Variants in SNX18 observed in about 807,000 individuals in gnomAD.
The protein encoded by SNX18 is sorting nexin 18.
A neutral mutation model predicts 48.7 loss-of-function variants in SNX18; 35 were observed. That is an observed-to-expected ratio of 0.72 (90% CI 0.55 to 0.95). The LOEUF (loss-of-function observed/expected upper bound fraction) is 0.95, where lower values mean the gene tolerates loss of function less well. Among genes scored for constraint, SNX18 ranks in the 40% least tolerant of loss-of-function variants. The pLI, the probability that SNX18 is intolerant of heterozygous loss-of-function variation, is 0.00. For missense variants in SNX18, 824 were observed against 871.0 expected, an observed-to-expected ratio of 0.95 and a Z score of 0.68; for synonymous variants, 492 against 384.7, an observed-to-expected ratio of 1.28 and a Z score of -3.26.
chr5:54,595,991 C>T, the SNX18 span, among the ~76,000 whole-genome samples: 16 of 152,118 alleles, frequency 1.1e-4, no homozygotes, highest in African/African-American at 3.9e-4. Context: ...CTTGGGATCC[C>T]TCTGGCCCTT....
chr5:54,517,916 G>T lies in SNX18; in HGVS notation c.-37G>T. The stretch of plus-strand genomic sequence containing the variant: ...CCTCAGGTGGGCCTCGGCTCGGGAC[G>T]CCGGGAGTCGGGACCGCCAGTCGGG... On this transcript the variant is annotated 5_prime_UTR_variant, in exon 1 of 2. Transcript: ENST00000381410. 2 of 1,476,610 alleles carry T rather than the reference G, an allele frequency of 1.4e-6. No individual in the cohort carries two copies. The allele number at this position is 1,476,610 out of a possible 1,614,324, so 91.5% of individuals were successfully genotyped here. A position where few individuals can be genotyped will look rare whatever the true frequency, so the allele number is the denominator to read the frequency against.
intron 1 of SNX18, among the ~76,000 whole-genome samples, chr5:54,535,926 G>A (rs1336630536): frequency 6.6e-6 from 1 of 152,146 alleles, no homozygotes; most frequent in Non-Finnish European, 1.5e-5. Context: ...TAGACCTCAG[G>A]GTTATTAGTT....
At chr5:54,620,637 G>A in the SNX18 span, among the ~76,000 whole-genome samples, 1 of 152,218 alleles carries the variant, frequency 6.6e-6, no homozygotes, top group Non-Finnish European at 1.5e-5. Context: ...CGTGGAGGAG[G>A]AGCCAGACAG....
At chr5:54,573,011 G>A in the SNX18 span, among the ~76,000 whole-genome samples, 416 of 151,376 alleles carry the variant, frequency 2.7e-3, 3 homozygotes, top group African/African-American at 9.2e-3. Context: ...ATAGCCTCCC[G>A]ATGTTTATGG....
chr5:54,624,350 T>A, the SNX18 span, among the ~76,000 whole-genome samples: 1 of 152,202 alleles, frequency 6.6e-6, no homozygotes, highest in Non-Finnish European at 1.5e-5. Flanking sequence ...GGGGTTTTCA[T>A]TAGCAAGCCA....
In SNX18 at chr5:54,518,465, G is replaced by A; in HGVS notation, c.513G>A (p.Leu171=). 6.4e-7 allele frequency: 1 copy of A among 1,570,876 alleles called. No homozygotes were observed. The highest frequency in any genetic ancestry group is 1.2e-5 in the South Asian group (1 of 86,718). Residue 171 remains leucine, a synonymous_variant, in exon 1 of 2, where the codon CTG becomes CTA. Transcript: ENST00000381410. The part of the protein sequence containing the change: ...SSTVADEPGA[L]GSGAYPDLDG... ...CGGTGGCGGACGAGCCGGGCGCTCT[G>A]GGCAGCGGAGCATACCCGGACCTCG...
chr5:54,610,996 C>G, the SNX18 span, among the ~76,000 whole-genome samples: 2 of 152,194 alleles, frequency 1.3e-5, no homozygotes, highest in African/African-American at 4.8e-5. Flanking sequence ...TCACCCTCTA[C>G]CCTAATCCAG....
the SNX18 span, among the ~76,000 whole-genome samples, chr5:54,609,452 G>A: frequency 5.7e-4 from 87 of 151,850 alleles, no homozygotes; most frequent in Non-Finnish European, 8.8e-5. Context: ...TCTCTATGAT[G>A]GTATTCATTT....
the SNX18 span, among the ~76,000 whole-genome samples, chr5:54,611,660 A>G: frequency 5.9e-5 from 9 of 152,160 alleles, no homozygotes; most frequent in African/African-American, 2.2e-4. Flanking sequence ...TATTTCCAAG[A>G]GGTTTCAGTC....
chr5:54,642,115 G>A, the SNX18 span, among the ~76,000 whole-genome samples: 1 of 152,204 alleles, frequency 6.6e-6, no homozygotes, highest in Non-Finnish European at 1.5e-5. Context: ...CAGCACAGCG[G>A]ATCATTCCCC....
chr5:54,543,078 G>T, intron 1 of SNX18, 101 bp from the exon 2 acceptor site: 2 of 1,144,484 alleles, frequency 1.7e-6, no homozygotes, highest in Non-Finnish European at 2.4e-6. Context: ...AAATAGTTTG[G>T]GCAACTATTT....
the SNX18 span, among the ~76,000 whole-genome samples, chr5:54,569,686 C>G: frequency 1.6e-4 from 25 of 152,172 alleles, no homozygotes; most frequent in African/African-American, 6.0e-4. Context: ...GTGGCTTGGA[C>G]TTACAACATG....
At chr5:54,541,555 G>A (rs1050147839) in intron 1 of SNX18, among the ~76,000 whole-genome samples, 1 of 152,016 alleles carries the variant, frequency 6.6e-6, no homozygotes, top group African/African-American at 2.4e-5. Context: ...CTGGGACAGG[G>A]GTCTTCCTCT....
At chr5:54,565,811 C>A in the SNX18 span, among the ~76,000 whole-genome samples, 1 of 152,118 alleles carries the variant, frequency 6.6e-6, no homozygotes, top group Non-Finnish European at 1.5e-5. Flanking sequence ...TTTGTACTTT[C>A]AACTTTATAC....
intron 1 of SNX18, among the ~76,000 whole-genome samples, chr5:54,521,556 C>T (rs1391177804): frequency 1.3e-5 from 2 of 151,766 alleles, no homozygotes; most frequent in South Asian, 2.1e-4. Context: ...AAGAAGTTAG[C>T]GTGGCATGGT....
chr5:54,628,772 G>T, the SNX18 span, among the ~76,000 whole-genome samples: 4 of 152,198 alleles, frequency 2.6e-5, no homozygotes, highest in African/African-American at 9.6e-5. Flanking sequence ...GCAATGTTCT[G>T]GATTAACCAG....
chr5:54,562,587 G>A, the SNX18 span, among the ~76,000 whole-genome samples: 7 of 152,110 alleles, frequency 4.6e-5, no homozygotes, highest in East Asian at 1.9e-4. Flanking sequence ...CTGTGTTTAC[G>A]GTGATGCTGG....
chr5:54,549,834 T>C (rs1762625667), downstream of SNX18, among the ~76,000 whole-genome samples: 1 of 152,300 alleles, frequency 6.6e-6, no homozygotes, highest in African/African-American at 2.4e-5. Flanking sequence ...CTCTGGGAAG[T>C]TGAATTTAGT....
the SNX18 span, among the ~76,000 whole-genome samples, chr5:54,601,243 A>T: frequency 0.9 from 136,673 of 151,916 alleles, 62,464 homozygotes; most frequent in South Asian, 0.98. Context: ...CAAATCATGG[A>T]TTTTTGTAGA....
Sources: gnomAD v4.1 joint callset for allele counts (sites outside exome capture counted in the v4.1 genomes callset) on GRCh38, gnomAD v4.1.1 for gene constraint, MANE v1.5 for transcripts, NCBI Gene and HGNC (gene_info 2026-07-23, HGNC 2026-07-21) for gene names.